The following CNTN5 variants were observed in gnomAD, a reference collection of about 807,000 sequenced individuals.
CNTN5 encodes contactin 5.
In CNTN5, 77 loss-of-function variants were observed where a neutral mutation model predicts 129.1. The ratio of observed to expected loss-of-function variants is 0.60; its 90% CI spans 0.50 to 0.72. The LOEUF is 0.72. Among genes scored for constraint, CNTN5 ranks in the 30% least tolerant of loss-of-function variants. The pLI, the probability that CNTN5 is intolerant of heterozygous loss-of-function variation, is 0.00. For missense variants in CNTN5, 1,478 were observed against 1,328.8 expected (o/e 1.11, Z -1.75); for synonymous variants, 509 against 465.6 (o/e 1.09, Z -1.20).
At chr11:99,328,709 A>G (rs897459155) in intron 2 of CNTN5, among the ~76,000 whole-genome samples, 1 of 151,820 alleles carries the variant, frequency 6.6e-6, no homozygotes, top group African/African-American at 2.4e-5. Context: ...CGTCTCTACT[A>G]AAAATACAAA....
At chr11:100,079,534 C>T (rs2137920070) in intron 13 of CNTN5, among the ~76,000 whole-genome samples, 2 of 152,212 alleles carry the variant, frequency 1.3e-5, no homozygotes, top group South Asian at 4.1e-4. Flanking sequence ...GGTTCCTGTC[C>T]TAGCCGACCA....
intron 6 of CNTN5, among the ~76,000 whole-genome samples, chr11:99,878,918 A>G (rs925705598): frequency 6.6e-6 from 1 of 152,052 alleles, no homozygotes; most frequent in African/African-American, 2.4e-5. Flanking sequence ...TGGTGAAGAT[A>G]CATGTTTTGT....
At chr11:100,276,918 T>C (rs1950525550) in intron 18 of CNTN5, among the ~76,000 whole-genome samples, 1 of 151,692 alleles carries the variant, frequency 6.6e-6, no homozygotes, top group African/African-American at 2.4e-5. Flanking sequence ...TTATTCTTTC[T>C]AATTTTTTTT....
chr11:99,816,904 T>G (rs1946605549), intron 3 of CNTN5, among the ~76,000 whole-genome samples: 1 of 152,138 alleles, frequency 6.6e-6, no homozygotes, highest in Non-Finnish European at 1.5e-5. Flanking sequence ...TTCTTCCCTG[T>G]CTAGAGTATC....
At chr11:99,223,026 T>A (rs1277684828) in intron 1 of CNTN5, among the ~76,000 whole-genome samples, 7 of 152,144 alleles carry the variant, frequency 4.6e-5, no homozygotes, top group African/African-American at 1.7e-4. Context: ...CTTCATCTTT[T>A]CTTTTCCAAA....
chr11:100,208,263 T>G (rs1187761605), intron 15 of CNTN5, among the ~76,000 whole-genome samples: 4 of 152,124 alleles, frequency 2.6e-5, no homozygotes, highest in African/African-American at 9.7e-5. Context: ...CATGATTCTG[T>G]GGGTTGGCAA....
In CNTN5 at chr11:100,244,255, C is replaced by T. The variant is rs140864286; in HGVS notation, c.2006-11505C>T. On this transcript the variant is annotated intron_variant, in intron 16 of 24. Coordinates refer to ENST00000524871, the MANE Select transcript of CNTN5 (RefSeq NM_014361.4). ...TTCAGTCTTTTGGAATATTTGTTTA[C>T]TTATTCCCTTTTTCTACCAACAAAA... Among the ~76,000 whole-genome samples the T allele has an allele frequency of 5.9e-3, 903 of 152,264 alleles. 6 individuals carry two copies. Among genetic ancestry groups the T allele is most frequent in the Non-Finnish European group, 7.9e-3 (536 of 68,014 alleles).
At chr11:99,346,265 A>G (rs1414108296) in intron 2 of CNTN5, among the ~76,000 whole-genome samples, 1 of 152,238 alleles carries the variant, frequency 6.6e-6, no homozygotes, top group Non-Finnish European at 1.5e-5. Context: ...TCAACAATCG[A>G]TTGATTATCA....
intron 9 of CNTN5, 125 bp downstream of exon 9, chr11:100,002,261 T>C: frequency 1.7e-6 from 1 of 576,506 alleles, no homozygotes. Flanking sequence ...ATTTATTTTC[T>C]AAAAGAAGGT....
At chr11:99,822,701 C>A (rs1946838325) in intron 4 of CNTN5, among the ~76,000 whole-genome samples, 1 of 152,120 alleles carries the variant, frequency 6.6e-6, no homozygotes, top group Non-Finnish European at 1.5e-5. Flanking sequence ...AAGAAAAAAT[C>A]TGAAATAAAT....
chr11:99,410,637 C>T (rs1942350729), intron 2 of CNTN5, among the ~76,000 whole-genome samples: 1 of 152,170 alleles, frequency 6.6e-6, no homozygotes, highest in Non-Finnish European at 1.5e-5. Flanking sequence ...TCAAATTCTC[C>T]TTGATTTTCC....
chr11:99,140,230 G>A (rs1240884922), intron 1 of CNTN5, among the ~76,000 whole-genome samples: 1 of 151,922 alleles, frequency 6.6e-6, no homozygotes, highest in Non-Finnish European at 1.5e-5. Context: ...CAAAATTTTA[G>A]GTTTGGGGTT....
chr11:100,211,322 G>A (rs779486821), intron 15 of CNTN5, among the ~76,000 whole-genome samples: 10 of 152,108 alleles, frequency 6.6e-5, no homozygotes, highest in Non-Finnish European at 1.0e-4. Flanking sequence ...GGACAACATC[G>A]TAGCAGCTTC....
At chr11:99,575,109 A>G (rs1405259378) in intron 3 of CNTN5, among the ~76,000 whole-genome samples, 2 of 152,164 alleles carry the variant, frequency 1.3e-5, no homozygotes, top group South Asian at 2.1e-4. Context: ...TTTTCCAATA[A>G]TCTCATATCT....
At chr11:99,152,123 AAATGT>A (rs1201328212) in intron 1 of CNTN5, among the ~76,000 whole-genome samples, 3 of 152,204 alleles carry the variant, frequency 2.0e-5, no homozygotes, top group Non-Finnish European at 4.4e-5. Context: ...TCTTGTAATT[AAATGT>A]ATTTCCTTTT....
chr11:99,638,457 C>G (rs1311952716), intron 3 of CNTN5, among the ~76,000 whole-genome samples: 4 of 152,092 alleles, frequency 2.6e-5, no homozygotes, highest in African/African-American at 4.8e-5. Flanking sequence ...CCCAAACTCT[C>G]GACTCATTTG....
At chr11:99,916,768 G>T (rs568302768) in intron 7 of CNTN5, among the ~76,000 whole-genome samples, 116 of 152,046 alleles carry the variant, frequency 7.6e-4, no homozygotes, top group African/African-American at 2.8e-3. Context: ...TATCTATTTT[G>T]TTTGAGTTTC....
At chr11:99,282,623 A>G (rs1238543784) in intron 1 of CNTN5, among the ~76,000 whole-genome samples, 2 of 152,094 alleles carry the variant, frequency 1.3e-5, no homozygotes, top group African/African-American at 4.8e-5. Flanking sequence ...ATCTGTTGAA[A>G]GCCAACATTA....
intron 2 of CNTN5, among the ~76,000 whole-genome samples, chr11:99,416,385 A>G (rs1050682267): frequency 1.6e-4 from 24 of 152,110 alleles, no homozygotes; most frequent in African/African-American, 5.8e-4. Context: ...GGCTCAAGTA[A>G]TCCTCCTGCC....
Sources: allele counts gnomAD v4.1 joint callset (sites outside exome capture counted in the v4.1 genomes callset), GRCh38; gene constraint gnomAD v4.1.1; transcripts MANE v1.5; gene names NCBI Gene and HGNC (gene_info 2026-07-23, HGNC 2026-07-21).